ABI2: variants seen among roughly 807,000 people sequenced by gnomAD.
ABI2 encodes abl interactor 2, also known as abelson interactor 2.
ABI2 carries 25 observed loss-of-function variants against 59.2 expected under a neutral mutation model. That is an observed-to-expected ratio of 0.42 (90% CI 0.31 to 0.59). The LOEUF (loss-of-function observed/expected upper bound fraction) is 0.59. ABI2 is among the 20% of genes least tolerant of loss of function. The pLI, the probability that ABI2 is intolerant of heterozygous loss-of-function variation, is 0.14. For missense variants in ABI2, 545 were observed against 681.8 expected, an observed-to-expected ratio of 0.80 and a Z score of 2.23; for synonymous variants, 213 against 235.5, an observed-to-expected ratio of 0.90 and a Z score of 0.87.
intron 8 of ABI2, among the ~76,000 whole-genome samples, chr2:203,397,760 C>T (rs933532719): frequency 6.6e-6 from 1 of 152,100 alleles, no homozygotes; most frequent in African/African-American, 2.4e-5. Flanking sequence ...CTGGGGAGGC[C>T]TCAGGAAACT....
rs1320842467 is a variant in ABI2, at chr2:203,431,970, GGA to G, written c.*4622_*4623del. The G allele has an allele frequency of 1.3e-5, 2 of 152,132 alleles. No homozygotes were observed. The highest frequency in any genetic ancestry group is 2.4e-5 in the African/African-American group (1 of 41,434). The allele number at this position is 152,132 out of a possible 1,614,324, so 9.4% of individuals were successfully genotyped here. Reference sequence around the variant, plus strand: ...CCAGTTGTACTTTTAGCTCCCAGAGGGAGAGTTGGTGGTATTATGAGTTGAGT... The same window carrying G: ...CCAGTTGTACTTTTAGCTCCCAGAGGGAGTTGGTGGTATTATGAGTTGAGT... On this transcript the variant is annotated 3_prime_UTR_variant, in exon 12 of 12. Coordinates refer to ENST00000261018, the MANE Select transcript of ABI2 (RefSeq NM_001375670.1).
chr2:203,348,240 CAAAAT>C (rs1310153103), intron 1 of ABI2, among the ~76,000 whole-genome samples: 1 of 152,002 alleles, frequency 6.6e-6, no homozygotes, highest in African/African-American at 2.4e-5. Context: ...AACTTTGTCT[CAAAAT>C]AATAATATTT....
intron 9 of ABI2, among the ~76,000 whole-genome samples, chr2:203,405,228 G>A (rs1466097124): frequency 1.3e-5 from 2 of 152,104 alleles, no homozygotes; most frequent in Non-Finnish European, 2.9e-5. Flanking sequence ...TGTTTAAAGT[G>A]GGTGGCCACA....
chr2:203,426,858 G>A (rs1295785344), intron 11 of ABI2, among the ~76,000 whole-genome samples: 1 of 149,938 alleles, frequency 6.7e-6, no homozygotes, highest in Non-Finnish European at 1.5e-5. Context: ...CATCTTTCTT[G>A]ATTCTAGGAT....
At chr2:203,335,333 A>T (rs1169527897) in intron 1 of ABI2, among the ~76,000 whole-genome samples, 1 of 152,200 alleles carries the variant, frequency 6.6e-6, no homozygotes, top group African/African-American at 2.4e-5. Context: ...ATTATGGGTC[A>T]CTGCAGCTTG....
chr2:203,384,290 GTT>G lies in ABI2; in HGVS notation c.480+2117_480+2118del, dbSNP rs796117154. ...GTTCCATACTCTTGTTTTTGTTTTT[GTT>G]TTTTTTTTTTTTTTTTTTTTTTTTT... On this transcript the variant is annotated intron_variant, in intron 4 of 11. Transcript: ENST00000261018. 7.3e-4 allele frequency among the ~76,000 whole-genome samples: 19 copies of G among 26,116 alleles called. 1 individual carries two copies. Among genetic ancestry groups the G allele is most frequent in the Admixed American group, 1.8e-3 (5 of 2,850 alleles). 17.1% of individuals were successfully genotyped at this position (26,116 alleles called of 152,430 possible).
intron 2 of ABI2, among the ~76,000 whole-genome samples, chr2:203,376,733 C>CTTTTT (rs370295013): frequency 4.0e-4 from 46 of 114,890 alleles, no homozygotes; most frequent in African/African-American, 1.0e-3. Flanking sequence ...TTGGTCTTCC[C>CTTTTT]TTTTTTTTTT....
intron 9 of ABI2, among the ~76,000 whole-genome samples, chr2:203,403,742 G>GTT (rs56123341): frequency 0.64 from 60,582 of 95,076 alleles, 21,333 homozygotes; most frequent in Non-Finnish European, 0.78. Flanking sequence ...CTTTCTTTCT[G>GTT]TTTTTTTTTT....
In ABI2 at chr2:203,352,996, A is replaced by G. The variant is rs572197286; in HGVS notation, c.118-13881A>G. ...GTTTGTCGTGTAGGAGCAGTAGGCT[A>G]TACCATATAGCCTAGTGTGTAGTAT... On this transcript the variant is annotated intron_variant, in intron 1 of 11. Coordinates refer to ENST00000261018, the MANE Select transcript of ABI2 (RefSeq NM_001375670.1). Among the ~76,000 whole-genome samples, 5 of 152,286 alleles carry G rather than the reference A, an allele frequency of 3.3e-5. No homozygotes were observed. In the East Asian group the frequency reaches 9.7e-4, roughly 29 times the overall value.
intron 9 of ABI2, 92 bp from the exon 10 acceptor site, chr2:203,411,193 C>T: frequency 3.0e-6 from 3 of 992,314 alleles, no homozygotes; most frequent in Non-Finnish European, 4.8e-6. Flanking sequence ...AGTAGTTTCC[C>T]TCCTTTATGT....
intron 1 of ABI2, among the ~76,000 whole-genome samples, chr2:203,366,392 A>G (rs530892616): frequency 6.6e-6 from 1 of 152,070 alleles, no homozygotes; most frequent in Admixed American, 6.5e-5. Flanking sequence ...ATTATTTATA[A>G]TTTTTTTCTT....
intron 2 of ABI2, among the ~76,000 whole-genome samples, chr2:203,376,749 T>C (rs2095721435): frequency 6.6e-6 from 1 of 151,038 alleles, no homozygotes; most frequent in African/African-American, 2.4e-5. Flanking sequence ...TTTTTTTTTT[T>C]TTTACTGTTA....
intron 4 of ABI2, 111 bp downstream of exon 4, chr2:203,382,317 C>A: frequency 1.1e-6 from 1 of 933,776 alleles, no homozygotes; most frequent in South Asian, 1.7e-5. Flanking sequence ...ATAAATAATT[C>A]CTCCTTTTTG....
chr2:203,400,050 A>T (rs552602944), intron 8 of ABI2, among the ~76,000 whole-genome samples: 2 of 148,500 alleles, frequency 1.3e-5, no homozygotes, highest in Non-Finnish European at 1.5e-5. Context: ...CCAAATGGTA[A>T]ATCGACTCAT....
intron 9 of ABI2, among the ~76,000 whole-genome samples, chr2:203,405,694 G>A (rs2097395660): frequency 6.6e-6 from 1 of 152,044 alleles, no homozygotes; most frequent in South Asian, 2.1e-4. Context: ...TCTGAAGTGT[G>A]TGTTTTATGA....
At chr2:203,351,256 T>C (rs906620596) in intron 1 of ABI2, among the ~76,000 whole-genome samples, 11 of 152,214 alleles carry the variant, frequency 7.2e-5, no homozygotes, top group African/African-American at 2.7e-4. Context: ...CTTTTATAGT[T>C]TTAAAATTGT....
intron 1 of ABI2, among the ~76,000 whole-genome samples, chr2:203,356,060 C>G (rs961620169): frequency 6.6e-6 from 1 of 151,954 alleles, no homozygotes; most frequent in African/African-American, 2.4e-5. Context: ...TTTTTTCTCT[C>G]TCTCTGAAAG....
At chr2:203,364,702 C>T (rs1311729863) in intron 1 of ABI2, among the ~76,000 whole-genome samples, 1 of 149,276 alleles carries the variant, frequency 6.7e-6, no homozygotes, top group African/African-American at 2.5e-5. Context: ...AGTTTCTATT[C>T]TTTTATATTA....
intron 8 of ABI2, among the ~76,000 whole-genome samples, chr2:203,397,702 G>A (rs914617620): frequency 3.9e-5 from 6 of 152,234 alleles, no homozygotes; most frequent in South Asian, 2.1e-4. Flanking sequence ...ATTGGCTAAC[G>A]GTTCTTCAGG....
Sources: gnomAD v4.1 joint callset for allele counts (sites outside exome capture counted in the v4.1 genomes callset) on GRCh38, gnomAD v4.1.1 for gene constraint, MANE v1.5 for transcripts, NCBI Gene and HGNC (gene_info 2026-07-23, HGNC 2026-07-21) for gene names.